The following RIMS2 variants were observed in gnomAD, a reference collection of about 807,000 sequenced individuals.
RIMS2 encodes regulating synaptic membrane exocytosis 2, also known as regulating synaptic membrane exocytosis protein 2.
Under a neutral mutation model 174.4 loss-of-function variants are expected in RIMS2, and 59 were observed. The observed-to-expected ratio is 0.34, with a 90% CI of 0.27 to 0.42. The LOEUF (loss-of-function observed/expected upper bound fraction) is 0.42, where lower values mean the gene tolerates loss of function less well. Ranked by LOEUF, RIMS2 falls within the 10% of genes least tolerant of loss-of-function variation. The pLI, the probability that RIMS2 is intolerant of heterozygous loss-of-function variation, is 1.00. For missense variants in RIMS2, 1,620 were observed against 1,666.3 expected (o/e 0.97, Z 0.48); for synonymous variants, 606 against 572.5 (o/e 1.06, Z -0.84).
intron 19 of RIMS2, among the ~76,000 whole-genome samples, chr8:104,172,761 G>A (rs2098839576): frequency 6.6e-6 from 1 of 152,218 alleles, no homozygotes; most frequent in South Asian, 2.1e-4. Context: ...TATTGAAGAT[G>A]TAGAAGAGGA....
At chr8:104,202,861 A>G (rs2099061760) in intron 19 of RIMS2, among the ~76,000 whole-genome samples, 2 of 152,244 alleles carry the variant, frequency 1.3e-5, no homozygotes. Flanking sequence ...GAAGAGATAT[A>G]AATCACAATA....
intron 1 of RIMS2, among the ~76,000 whole-genome samples, chr8:103,627,312 G>C (rs1425407575): frequency 1.3e-5 from 2 of 152,106 alleles, no homozygotes; most frequent in Non-Finnish European, 2.9e-5. Context: ...ATCTTCCCTT[G>C]TTCCCTGAAA....
At chr8:104,096,875 C>CA (rs34215707) in intron 19 of RIMS2, among the ~76,000 whole-genome samples, 35,384 of 130,912 alleles carry the variant, frequency 0.27, 4,564 homozygotes, top group African/African-American at 0.37. Context: ...CGCCCCCCAC[C>CA]AAAAAAAAAA....
At chr8:103,838,804 G>A (rs933506738) in intron 3 of RIMS2, among the ~76,000 whole-genome samples, 16 of 152,108 alleles carry the variant, frequency 1.1e-4, no homozygotes, top group Non-Finnish European at 2.2e-4. Flanking sequence ...GGTGGCTCAC[G>A]CCTGTAATCC....
intron 11 of RIMS2, among the ~76,000 whole-genome samples, chr8:103,930,030 A>G (rs2154531442): frequency 6.6e-6 from 1 of 152,144 alleles, no homozygotes; most frequent in Non-Finnish European, 1.5e-5. Context: ...AAGTGAGATA[A>G]TACTGACATG....
At chr8:104,249,198 G>A (rs1389713103) in intron 21 of RIMS2, among the ~76,000 whole-genome samples, 2 of 151,810 alleles carry the variant, frequency 1.3e-5, no homozygotes, top group Non-Finnish European at 2.9e-5. Flanking sequence ...CTCCCAAAGT[G>A]CTGGGATTAC....
intron 1 of RIMS2, among the ~76,000 whole-genome samples, chr8:103,537,478 C>T (rs961947437): frequency 6.6e-6 from 1 of 152,156 alleles, no homozygotes; most frequent in African/African-American, 2.4e-5. Flanking sequence ...AAGAGTAGTT[C>T]TTCAATCCTT....
In RIMS2 at chr8:104,244,958, C is replaced by T. The variant is rs145791616; in HGVS notation, c.3377C>T (p.Thr1126Ile). ...CTAAGGAGCACTGTCCAAAGAAGTA[C>T]AGAAACAGGCCTGGCCGTGGAAATG... The change falls in exon 20 of 24, where the codon ACA becomes ATA. Residue 1126 changes from threonine (T) to isoleucine (I), a missense_variant. Physicochemically the swap from Thr to Ile is moderately conservative, Grantham distance 89. Transcript: ENST00000504942. 7.3e-5 allele frequency: 117 copies of T among 1,613,790 alleles called. No individual in the cohort carries two copies. The African/African-American group carries it at 1.3e-3, about 18-fold the overall frequency.
intron 19 of RIMS2, among the ~76,000 whole-genome samples, chr8:104,095,606 A>G (rs2097747654): frequency 1.3e-5 from 2 of 152,222 alleles, no homozygotes; most frequent in Admixed American, 1.3e-4. Context: ...GTGCAGTCAG[A>G]CTTTATCCTT....
At chr8:104,099,866 G>A (rs2097840554) in intron 19 of RIMS2, among the ~76,000 whole-genome samples, 1 of 151,404 alleles carries the variant, frequency 6.6e-6, no homozygotes, top group Admixed American at 6.6e-5. Context: ...GCCCAGGCTG[G>A]AGTACAGTGG....
intron 1 of RIMS2, among the ~76,000 whole-genome samples, chr8:103,601,710 C>T (rs1191640702): frequency 6.6e-6 from 1 of 151,548 alleles, no homozygotes; most frequent in African/African-American, 2.4e-5. Context: ...TATTTATTTT[C>T]TGGTTGTTTA....
intron 3 of RIMS2, among the ~76,000 whole-genome samples, chr8:103,856,822 T>G (rs186086038): frequency 6.6e-6 from 1 of 152,198 alleles, no homozygotes; most frequent in East Asian, 1.9e-4. Context: ...TTTTTTTTTC[T>G]TTGAGAAGGA....
At chr8:103,763,609 C>T (rs1008075145) in intron 2 of RIMS2, among the ~76,000 whole-genome samples, 1 of 151,784 alleles carries the variant, frequency 6.6e-6, no homozygotes, top group African/African-American at 2.4e-5. Flanking sequence ...ATGATCTAGT[C>T]AGAAAAGGAA....
At chr8:103,925,571 G>T (rs779644111) in intron 10 of RIMS2, among the ~76,000 whole-genome samples, 1 of 151,334 alleles carries the variant, frequency 6.6e-6, no homozygotes, top group African/African-American at 2.4e-5. Context: ...TGAATTGTGG[G>T]GTACAAATTC....
chr8:103,508,844 G>A (rs1825040990), intron 1 of RIMS2, among the ~76,000 whole-genome samples: 1 of 152,022 alleles, frequency 6.6e-6, no homozygotes, highest in Non-Finnish European at 1.5e-5. Context: ...TTGAAAAATT[G>A]AGGAGCCAAA....
intron 1 of RIMS2, among the ~76,000 whole-genome samples, chr8:103,569,742 G>C (rs923668120): frequency 1.3e-5 from 2 of 151,182 alleles, no homozygotes; most frequent in African/African-American, 4.9e-5. Context: ...TCTGCCTCCT[G>C]AGTAGCTAGG....
At chr8:103,990,843 TTTTC>T (rs1416005969) in intron 17 of RIMS2, among the ~76,000 whole-genome samples, 2 of 151,974 alleles carry the variant, frequency 1.3e-5, no homozygotes, top group African/African-American at 4.8e-5. Context: ...ATGGACTTTG[TTTTC>T]TTTAAGACAA....
chr8:104,243,094 G>A (rs2139955989), intron 19 of RIMS2, among the ~76,000 whole-genome samples: 1 of 152,224 alleles, frequency 6.6e-6, no homozygotes, highest in South Asian at 2.1e-4. Context: ...CTGCTGTAAA[G>A]AAGATCTTTC....
intron 1 of RIMS2, among the ~76,000 whole-genome samples, chr8:103,550,772 G>C (rs1847429861): frequency 1.3e-5 from 2 of 152,096 alleles, no homozygotes; most frequent in African/African-American, 2.4e-5. Context: ...TGATAAAGGG[G>C]TTATTACCAC....
Sources: gnomAD v4.1 joint callset for allele counts (sites outside exome capture counted in the v4.1 genomes callset) on GRCh38, gnomAD v4.1.1 for gene constraint, MANE v1.5 for transcripts, NCBI Gene and HGNC (gene_info 2026-07-23, HGNC 2026-07-21) for gene names.